CYP19A1: variants seen among roughly 807,000 people sequenced by gnomAD.
CYP19A1 encodes the protein cytochrome P450 family 19 subfamily A member 1.
A neutral mutation model predicts 44.4 loss-of-function variants in CYP19A1; 32 were observed. The observed-to-expected ratio is 0.72, with a 90% CI of 0.54 to 0.97. CYP19A1 has a LOEUF of 0.97. Among genes scored for constraint, CYP19A1 ranks in the 50% least tolerant of loss-of-function variants. CYP19A1 has a pLI of 0.00. For missense variants in CYP19A1, 598 were observed against 637.8 expected (o/e 0.94, Z 0.67); for synonymous variants, 212 against 215.6 (o/e 0.98, Z 0.14).
chr15:51,307,848 T>A (rs913325148), intron 1 of CYP19A1, among the ~76,000 whole-genome samples: 4 of 152,218 alleles, frequency 2.6e-5, no homozygotes, highest in Non-Finnish European at 5.9e-5. Context: ...AACTGAGCCA[T>A]CAACTGTGCC....
intron 8 of CYP19A1, among the ~76,000 whole-genome samples, chr15:51,213,129 C>G (rs1281811208): frequency 6.6e-6 from 1 of 152,178 alleles, no homozygotes; most frequent in Non-Finnish European, 1.5e-5. Flanking sequence ...GAAATTTTCT[C>G]TTCTGGTTAC....
intron 1 of CYP19A1, among the ~76,000 whole-genome samples, chr15:51,250,720 T>A (rs1338241489): frequency 2.0e-5 from 3 of 152,126 alleles, no homozygotes; most frequent in African/African-American, 7.2e-5. Context: ...CAAACCATAG[T>A]TTTTCTCACG....
chr15:51,231,047 G>A (rs1281459143), intron 3 of CYP19A1, among the ~76,000 whole-genome samples: 2 of 152,124 alleles, frequency 1.3e-5, no homozygotes, highest in Non-Finnish European at 2.9e-5. Context: ...GACTACAAGA[G>A]ATAAACAATC....
intron 1 of CYP19A1, among the ~76,000 whole-genome samples, chr15:51,276,071 TAGAG>T (rs1424581815): frequency 1.3e-5 from 2 of 152,254 alleles, no homozygotes; most frequent in South Asian, 2.1e-4. Context: ...CTCTCACTGA[TAGAG>T]AGGCTTGTTT....
At chr15:51,285,060 T>TG (rs1211204267) in intron 1 of CYP19A1, among the ~76,000 whole-genome samples, 1 of 152,138 alleles carries the variant, frequency 6.6e-6, no homozygotes, top group African/African-American at 2.4e-5. Flanking sequence ...CCCCATAACA[T>TG]GGGGACAGAT....
chr15:51,303,343 T>A (rs1053024730), intron 1 of CYP19A1, among the ~76,000 whole-genome samples: 1 of 152,026 alleles, frequency 6.6e-6, no homozygotes, highest in Non-Finnish European at 1.5e-5. Context: ...AGCCCCTTAG[T>A]ACTCTGAACT....
Position 51,210,625 on chromosome 15 carries a change from G to A in CYP19A1, c.*183C>T, listed in dbSNP as rs543318989. The A allele has an allele frequency of 2.7e-6, 2 of 730,148 alleles. No homozygotes were observed. The highest frequency in any genetic ancestry group is 3.4e-5 in the African/African-American group (2 of 58,114). 45.2% of individuals were successfully genotyped at this position (730,148 alleles called of 1,614,324 possible). The stretch of plus-strand genomic sequence containing the variant: ...TTTTTCTCTTGTAGCCTGGTTCTCT[G>A]GTGTGAACAGGAGCAGATGACAAAT... On this transcript the variant is annotated 3_prime_UTR_variant, in exon 10 of 10. Transcript: ENST00000396402.
At chr15:51,321,915 C>T (rs1171932724) in intron 1 of CYP19A1, 1 of 151,766 alleles carries the variant, frequency 6.6e-6, no homozygotes, top group African/African-American at 2.4e-5. Context: ...CATCAACATC[C>T]TGTTAACTAA....
intron 2 of CYP19A1, among the ~76,000 whole-genome samples, chr15:51,237,814 C>A (rs1187205794): frequency 2.6e-5 from 4 of 152,172 alleles, no homozygotes; most frequent in Admixed American, 2.6e-4. Flanking sequence ...CAGAGAACAA[C>A]CTTGGTAGCT....
At chr15:51,338,319 C>T (rs894469461) in intron 1 of CYP19A1, 176 bp downstream of exon 1, 3 of 152,162 alleles carry the variant, frequency 2.0e-5, no homozygotes, top group African/African-American at 7.2e-5. Context: ...GCTCTCACAC[C>T]ACGACAACAG....
intron 1 of CYP19A1, among the ~76,000 whole-genome samples, chr15:51,314,958 T>C (rs2036394511): frequency 6.6e-6 from 1 of 152,164 alleles, no homozygotes; most frequent in South Asian, 2.1e-4. Flanking sequence ...CTCTCTGGGC[T>C]GTTTCCTGGT....
intron 9 of CYP19A1, among the ~76,000 whole-genome samples, chr15:51,211,434 A>T (rs2030970036): frequency 6.6e-6 from 1 of 152,248 alleles, no homozygotes; most frequent in African/African-American, 2.4e-5. Context: ...TATAAGAGAT[A>T]AAGGCAAGCA....
chr15:51,329,938 G>T (rs531155135), intron 1 of CYP19A1, among the ~76,000 whole-genome samples: 2 of 152,328 alleles, frequency 1.3e-5, no homozygotes, highest in South Asian at 4.1e-4. Flanking sequence ...GGAGCACACA[G>T]TCGGAGCAGC....
intron 1 of CYP19A1, among the ~76,000 whole-genome samples, chr15:51,322,675 C>T (rs939860566): frequency 6.6e-6 from 1 of 152,202 alleles, no homozygotes; most frequent in Admixed American, 6.5e-5. Flanking sequence ...GCATCACCCC[C>T]ACCCCCGCTT....
At chr15:51,337,317 G>A (rs949357646) in intron 1 of CYP19A1, among the ~76,000 whole-genome samples, 1 of 152,192 alleles carries the variant, frequency 6.6e-6, no homozygotes, top group Non-Finnish European at 1.5e-5. Context: ...TCAACTAACA[G>A]CACAAGGCAC....
intron 2 of CYP19A1, among the ~76,000 whole-genome samples, chr15:51,238,613 C>G (rs528841063): frequency 1.3e-5 from 2 of 152,120 alleles, no homozygotes; most frequent in African/African-American, 4.8e-5. Flanking sequence ...CTCAGCCTCC[C>G]GAGTAGCTGG....
At chr15:51,211,604 A>G (rs1314516297) in intron 9 of CYP19A1, 1 of 407,810 alleles carries the variant, frequency 2.5e-6, no homozygotes, top group Non-Finnish European at 4.8e-6. Context: ...ACTGATTTAC[A>G]TAGCATTATC....
At chr15:51,212,606 C>A in intron 8 of CYP19A1, 45 bp from the exon 9 acceptor site, 1 of 1,283,448 alleles carries the variant, frequency 7.8e-7, no homozygotes, top group South Asian at 1.2e-5. Flanking sequence ...TGTTAGTTTC[C>A]ATCTGTGATT....
intron 1 of CYP19A1, chr15:51,318,894 G>A (rs1395915538): frequency 3.3e-5 from 5 of 152,140 alleles, no homozygotes; most frequent in East Asian, 3.8e-4. Context: ...TTCCAATAAT[G>A]TGGTATGTCC....
Sources: allele counts gnomAD v4.1 joint callset (sites outside exome capture counted in the v4.1 genomes callset), GRCh38; gene constraint gnomAD v4.1.1; transcripts MANE v1.5; gene names NCBI Gene and HGNC (gene_info 2026-07-23, HGNC 2026-07-21).